Variants in RGS6 observed in about 807,000 individuals in gnomAD.
RGS6 encodes regulator of G-protein signaling 6.
A neutral mutation model predicts 78.5 loss-of-function variants in RGS6; 30 were observed. That is an observed-to-expected ratio of 0.38 (90% confidence interval 0.29 to 0.52). The LOEUF is 0.52. RGS6 is among the 20% of genes least tolerant of loss of function. RGS6 has a pLI of 0.85. For missense variants in RGS6, 495 were observed against 609.7 expected (o/e 0.81, Z 1.98); for synonymous variants, 206 against 206.0 (o/e 1.00, Z 0.00).
At chr14:72,118,659 C>G (rs552012908) in intron 2 of RGS6, among the ~76,000 whole-genome samples, 1 of 152,304 alleles carries the variant, frequency 6.6e-6, no homozygotes, top group East Asian at 1.9e-4. Flanking sequence ...CAGCACTATT[C>G]CTAAGTCATC....
At chr14:72,552,729 G>A (rs574757791) in intron 17 of RGS6, 1 of 152,316 alleles carries the variant, frequency 6.6e-6, no homozygotes, top group South Asian at 2.1e-4. Context: ...CGTGGCAGGG[G>A]ATGCTTTGAA....
chr14:71,877,058 T>A, the RGS6 span, among the ~76,000 whole-genome samples: 1 of 152,250 alleles, frequency 6.6e-6, no homozygotes, highest in Middle Eastern at 3.2e-3. Context: ...GTTAGTCTGA[T>A]GGCTTCCCTT....
intron 3 of RGS6, among the ~76,000 whole-genome samples, chr14:72,391,833 G>A (rs866089426): frequency 2.6e-5 from 4 of 152,120 alleles, no homozygotes; most frequent in Non-Finnish European, 4.4e-5. Flanking sequence ...CCACTTATGA[G>A]TGAGAACATG....
intron 2 of RGS6, among the ~76,000 whole-genome samples, chr14:71,991,819 C>T (rs1566974386): frequency 6.6e-6 from 1 of 152,132 alleles, no homozygotes; most frequent in Non-Finnish European, 1.5e-5. Context: ...TTTAAAGGGC[C>T]ACATAGTAAC....
chr14:71,927,784 T>C (rs978221102), upstream of RGS6, among the ~76,000 whole-genome samples: 1 of 151,452 alleles, frequency 6.6e-6, no homozygotes, highest in Admixed American at 6.6e-5. Flanking sequence ...CAGCCTCCCG[T>C]GTAGCTGGGA....
At chr14:72,333,480 A>G (rs535101609) in intron 2 of RGS6, among the ~76,000 whole-genome samples, 2 of 152,316 alleles carry the variant, frequency 1.3e-5, no homozygotes, top group South Asian at 2.1e-4. Flanking sequence ...GCAAATGCTC[A>G]GAACTCCAGG....
chr14:72,347,303 C>T (rs547139404), intron 2 of RGS6, among the ~76,000 whole-genome samples: 1 of 152,278 alleles, frequency 6.6e-6, no homozygotes, highest in African/African-American at 2.4e-5. Flanking sequence ...CATGATCGGC[C>T]AGTGGAAGAT....
chr14:72,191,694 C>T (rs1454603915), intron 2 of RGS6, among the ~76,000 whole-genome samples: 1 of 152,214 alleles, frequency 6.6e-6, no homozygotes, highest in Non-Finnish European at 1.5e-5. Flanking sequence ...CCTCCCACAG[C>T]ACATGGGAAT....
chr14:72,130,829 G>A (rs770339062), intron 2 of RGS6, among the ~76,000 whole-genome samples: 35 of 152,310 alleles, frequency 2.3e-4, no homozygotes, highest in South Asian at 8.3e-4. Flanking sequence ...TATGTCTTAC[G>A]TATACATAAA....
chr14:71,876,091 C>T, the RGS6 span, among the ~76,000 whole-genome samples: 3 of 152,014 alleles, frequency 2.0e-5, no homozygotes, highest in South Asian at 2.1e-4. Context: ...GGAATAAGTA[C>T]GATGTGGTGC....
At chr14:72,068,815 C>T (rs1171954863) in intron 2 of RGS6, among the ~76,000 whole-genome samples, 1 of 151,146 alleles carries the variant, frequency 6.6e-6, no homozygotes, top group Non-Finnish European at 1.5e-5. Flanking sequence ...TTCTCTCCTC[C>T]TTCCTTTTCT....
At chr14:72,619,211 A>G in the RGS6 span, 2 of 1,332,712 alleles carry the variant, frequency 1.5e-6, no homozygotes, top group Admixed American at 2.1e-5. Flanking sequence ...GTCTGGCTGG[A>G]TATGTGGGAG....
intron 2 of RGS6, among the ~76,000 whole-genome samples, chr14:72,238,918 C>G (rs1052293621): frequency 1.3e-5 from 2 of 152,182 alleles, no homozygotes; most frequent in African/African-American, 4.8e-5. Flanking sequence ...CGGTTGTTAC[C>G]AGTGGAAGGT....
At chr14:71,931,596 A>C (rs1267696700), upstream of RGS6, among the ~76,000 whole-genome samples, 1 of 152,202 alleles carries the variant, frequency 6.6e-6, no homozygotes, top group Admixed American at 6.5e-5. Context: ...GACATACTAC[A>C]ATTCAGGACT....
At chr14:72,269,567 A>ATTTTTTTTTTTTTTTTTTTTT (rs56171281) in intron 2 of RGS6, among the ~76,000 whole-genome samples, 1 of 120,334 alleles carries the variant, frequency 8.3e-6, no homozygotes, top group African/African-American at 3.3e-5. Context: ...CCTATCTTAA[A>ATTTTTTTTTTTTTTTTTTTTT]TTTTTTTTTT....
At chr14:72,396,330 T>C (rs1470619079) in intron 3 of RGS6, among the ~76,000 whole-genome samples, 1 of 152,250 alleles carries the variant, frequency 6.6e-6, no homozygotes, top group Non-Finnish European at 1.5e-5. Context: ...GCTGCATAAA[T>C]GTCTTCTTTT....
chr14:72,392,874 C>T (rs957084887), intron 3 of RGS6, among the ~76,000 whole-genome samples: 1 of 152,054 alleles, frequency 6.6e-6, no homozygotes, highest in East Asian at 1.9e-4. Context: ...CAAGTTGTAC[C>T]GGGAAAAACT....
the RGS6 span, among the ~76,000 whole-genome samples, chr14:71,888,418 C>A: frequency 9.1e-5 from 13 of 143,636 alleles, no homozygotes; most frequent in Admixed American, 1.4e-4. Context: ...AGCTCTGTCT[C>A]AAAAAAAAAA....
chr14:72,503,756 G>A (rs576008032), intron 13 of RGS6, among the ~76,000 whole-genome samples: 1 of 152,262 alleles, frequency 6.6e-6, no homozygotes, highest in African/African-American at 2.4e-5. Context: ...CTCCTGGGCT[G>A]GAGTCATACA....
Sources: allele counts gnomAD v4.1 joint callset (sites outside exome capture counted in the v4.1 genomes callset), GRCh38; gene constraint gnomAD v4.1.1; transcripts MANE v1.5; gene names NCBI Gene and HGNC (gene_info 2026-07-23, HGNC 2026-07-21).